The following FRMPD3 variants were observed in gnomAD, a reference collection of about 807,000 sequenced individuals.
FRMPD3 encodes FERM and PDZ domain containing 3.
Under a neutral mutation model 97.9 loss-of-function variants are expected in FRMPD3, and 42 were observed. The observed-to-expected ratio is 0.43, with a 90% CI of 0.34 to 0.55. FRMPD3 has a LOEUF of 0.55. Among genes scored for constraint, FRMPD3 ranks in the 20% least tolerant of loss-of-function variants. The pLI is 0.03. For synonymous variants in FRMPD3, 577 were observed against 581.1 expected, an observed-to-expected ratio of 0.99 and a Z score of 0.10; for missense variants, 1,303 against 1,457.7, an observed-to-expected ratio of 0.89 and a Z score of 1.73.
intron 1 of FRMPD3, among the ~76,000 whole-genome samples, chrX:107,497,061 C>T (rs1921793632): frequency 8.9e-6 from 1 of 112,220 alleles, no homozygotes; most frequent in Non-Finnish European, 1.9e-5. Flanking sequence ...TAGACAGGAA[C>T]CAGTCCACCC....
At chrX:107,554,104 C>T (rs943497509) in intron 7 of FRMPD3, among the ~76,000 whole-genome samples, 5 of 111,591 alleles carry the variant, frequency 4.5e-5, no homozygotes, top group Non-Finnish European at 9.4e-5. Flanking sequence ...CCCTTCCTGC[C>T]TAGTGTCTTG....
chrX:107,603,254 C>G lies in FRMPD3; in HGVS notation c.5215C>G (p.Gln1739Glu). 1 of 1,141,177 alleles carries G rather than the reference C, an allele frequency of 8.8e-7. No individual in the cohort carries two copies. 94.0% of individuals were successfully genotyped at this position (1,141,177 alleles called of 1,213,427 possible). Residue 1739 changes from glutamine to glutamate, a missense_variant, in exon 15 of 15, where the codon CAG becomes GAG. Transcript: ENST00000683843. ...QQQQQQQQQQQQQQQVAAAAG... is the reference protein window; with the variant it reads ...QQQQQQQQQQEQQQQVAAAAG... ...ACAGCAGCAGCAACAACAACAGCAGCAGCAGCAGCAGCAGGTGGCAGCAGC... is the reference window on the plus strand; with the variant it reads ...ACAGCAGCAGCAACAACAACAGCAGGAGCAGCAGCAGCAGGTGGCAGCAGC...
intron 13 of FRMPD3, among the ~76,000 whole-genome samples, chrX:107,593,271 C>A (rs1239128748): frequency 9.0e-6 from 1 of 111,074 alleles, no homozygotes; most frequent in East Asian, 2.8e-4. Context: ...TTTGTTTGAG[C>A]TCCTTGTAGA....
At chrX:107,572,355 T>C (rs138286575) in intron 12 of FRMPD3, among the ~76,000 whole-genome samples, 50 of 111,711 alleles carry the variant, frequency 4.5e-4, no homozygotes, top group African/African-American at 1.6e-3. Flanking sequence ...ATGGGAGATA[T>C]GGTTGGAGAT....
chrX:107,566,435 A>G (rs1442458803), intron 12 of FRMPD3, among the ~76,000 whole-genome samples: 1 of 112,480 alleles, frequency 8.9e-6, no homozygotes, highest in Non-Finnish European at 1.9e-5. Flanking sequence ...GCTTGCGGCT[A>G]CCTCCTCAAC....
chrX:107,560,976 C>A, intron 10 of FRMPD3, 123 bp downstream of exon 10: 2 of 776,012 alleles, frequency 2.6e-6, no homozygotes, highest in Non-Finnish European at 3.6e-6. Flanking sequence ...GACTCAGGTG[C>A]ACATACGGCT....
At chrX:107,471,221 C>T (rs1163322752) in intron 1 of FRMPD3, among the ~76,000 whole-genome samples, 2 of 111,359 alleles carry the variant, frequency 1.8e-5, no homozygotes, top group African/African-American at 3.3e-5. Flanking sequence ...AGGCCACTGC[C>T]GCAGTCGCAG....
intron 1 of FRMPD3, among the ~76,000 whole-genome samples, chrX:107,464,380 C>T (rs1190635827): frequency 9.1e-6 from 1 of 109,526 alleles, no homozygotes; most frequent in African/African-American, 3.3e-5. Flanking sequence ...GCTAAATCTA[C>T]CCAGTTTGCT....
At chrX:107,482,291 G>C (rs1921395360) in intron 1 of FRMPD3, among the ~76,000 whole-genome samples, 1 of 111,279 alleles carries the variant, frequency 9.0e-6, no homozygotes, top group Admixed American at 9.6e-5. Flanking sequence ...TCCTTTGTCA[G>C]CAGAGGCTTA....
chrX:107,472,224 T>A (rs1377577261), intron 1 of FRMPD3, among the ~76,000 whole-genome samples: 10 of 112,142 alleles, frequency 8.9e-5, no homozygotes, highest in Non-Finnish European at 5.6e-5. Context: ...ATTCCAAAAA[T>A]TTTTTCCCAT....
chrX:107,558,753 G>A (rs901593748), intron 8 of FRMPD3, among the ~76,000 whole-genome samples: 1 of 111,271 alleles, frequency 9.0e-6, no homozygotes, highest in African/African-American at 3.3e-5. Flanking sequence ...CCATGATCTC[G>A]GCTCACTGCA....
Position 107,526,627 on chromosome X carries a change from G to T in FRMPD3, c.39G>T (p.Gln13His), listed in dbSNP as rs752066883. Reference sequence around the variant, plus strand: ...GCGCAAATGATATGGAATGTGAGCAGCTGCCAGCAGAGATACTGCGACAAG... The same window carrying T: ...GCGCAAATGATATGGAATGTGAGCATCTGCCAGCAGAGATACTGCGACAAG... ...EESANDMECE[Q>H]LPAEILRQVT... The change falls in exon 2 of 15, where the codon CAG becomes CAT. Residue 13 changes from glutamine (Q) to histidine (H), a missense_variant. Transcript: ENST00000683843. 1 of 1,206,898 alleles carries T rather than the reference G, an allele frequency of 8.3e-7. No individual in the cohort carries two copies. Among genetic ancestry groups the T allele is most frequent in the Non-Finnish European group, 1.1e-6 (1 of 893,967 alleles).
chrX:107,539,919 T>C (rs1174431732), intron 4 of FRMPD3, among the ~76,000 whole-genome samples: 5 of 110,325 alleles, frequency 4.5e-5, no homozygotes, highest in Non-Finnish European at 5.7e-5. Flanking sequence ...AGGATAAAGG[T>C]AGAGTTTGAA....
At chrX:107,573,911 A>T (rs1398768799) in intron 12 of FRMPD3, among the ~76,000 whole-genome samples, 2 of 112,247 alleles carry the variant, frequency 1.8e-5, no homozygotes, top group Non-Finnish European at 3.8e-5. Context: ...GTTAAAGCAG[A>T]CACCCTGATG....
Position 107,524,485 on chromosome X carries a change from G to A in FRMPD3, c.-7-2097G>A, listed in dbSNP as rs755569355. 8.0e-5 allele frequency among the ~76,000 whole-genome samples: 9 copies of A among 112,413 alleles called. 1 individual carries two copies. Among genetic ancestry groups the A allele is most frequent in the Admixed American group, 7.5e-4 (8 of 10,679 alleles). On this transcript the variant is annotated intron_variant, in intron 1 of 14. Coordinates refer to ENST00000683843, the MANE Select transcript of FRMPD3 (RefSeq NM_001388459.1). ...GACAGACTCCAAGCCAGTGTGAGGTGTAGCCAGAGAGATCTCATATGATAG... is the reference window on the plus strand; with the variant it reads ...GACAGACTCCAAGCCAGTGTGAGGTATAGCCAGAGAGATCTCATATGATAG...
At chrX:107,493,086 G>A (rs758327464) in intron 1 of FRMPD3, among the ~76,000 whole-genome samples, 2 of 106,836 alleles carry the variant, frequency 1.9e-5, no homozygotes, top group East Asian at 3.0e-4. Context: ...AGGCTGAGGC[G>A]GGAGGATTGC....
chrX:107,558,452 C>A (rs760964034), intron 8 of FRMPD3, among the ~76,000 whole-genome samples: 36 of 110,290 alleles, frequency 3.3e-4, no homozygotes, highest in African/African-American at 9.2e-4. Context: ...CATAGTGAGA[C>A]CCCCATCTCT....
chrX:107,480,822 G>A (rs1168810832), intron 1 of FRMPD3, among the ~76,000 whole-genome samples: 2 of 75,189 alleles, frequency 2.7e-5, no homozygotes, highest in East Asian at 8.7e-4. Flanking sequence ...GTGAAACTCC[G>A]TCAAAAAAAA....
intron 6 of FRMPD3, among the ~76,000 whole-genome samples, chrX:107,550,481 A>G (rs992337127): frequency 1.9e-4 from 21 of 112,621 alleles, no homozygotes; most frequent in African/African-American, 6.8e-4. Flanking sequence ...TAAGCCATTT[A>G]TAAAGCAAAA....
Sources: allele counts gnomAD v4.1 joint callset (sites outside exome capture counted in the v4.1 genomes callset), GRCh38; gene constraint gnomAD v4.1.1; transcripts MANE v1.5; gene names NCBI Gene and HGNC (gene_info 2026-07-23, HGNC 2026-07-21).